DTL: variants seen among roughly 807,000 people sequenced by gnomAD.
The protein encoded by DTL is denticleless E3 ubiquitin protein ligase adapter.
DTL carries 46 observed loss-of-function variants against 87.0 expected under a neutral mutation model. The observed-to-expected ratio is 0.53, with a 90% CI of 0.42 to 0.68. DTL has a LOEUF of 0.68. DTL is among the 30% of genes least tolerant of loss of function. The pLI, the probability that DTL is intolerant of heterozygous loss-of-function variation, is 0.00. For missense variants in DTL, 737 were observed against 869.4 expected (o/e 0.85, Z 1.91); for synonymous variants, 308 against 311.2 (o/e 0.99, Z 0.11).
chr1:212,090,255 TTC>T (rs1008667857), intron 13 of DTL, among the ~76,000 whole-genome samples: 9 of 152,154 alleles, frequency 5.9e-5, no homozygotes, highest in African/African-American at 2.2e-4. Flanking sequence ...TTTGTAGAAT[TTC>T]TCTCTCTCAA....
rs1655685371 is a variant in DTL, at chr1:212,103,476, G to C, written c.*536G>C. ...TTTTTTTAAGTATGTGTAAAAATGTGATGCTCAGATAAGTACATTTATATC... is the reference window on the plus strand; with the variant it reads ...TTTTTTTAAGTATGTGTAAAAATGTCATGCTCAGATAAGTACATTTATATC... On this transcript the variant is annotated 3_prime_UTR_variant, in exon 15 of 15. Coordinates refer to ENST00000366991, the MANE Select transcript of DTL (RefSeq NM_016448.4). 1 of 152,196 alleles carries C rather than the reference G, an allele frequency of 6.6e-6. No individual in the cohort carries two copies. The highest frequency in any genetic ancestry group is 1.5e-5 in the Non-Finnish European group (1 of 68,062). The allele number at this position is 152,196 out of a possible 1,614,324, so 9.4% of individuals were successfully genotyped here. A position where few individuals can be genotyped will look rare whatever the true frequency, so the allele number is the denominator to read the frequency against.
intron 1 of DTL, among the ~76,000 whole-genome samples, chr1:212,041,453 C>G (rs1667639398): frequency 7.4e-6 from 1 of 135,062 alleles, no homozygotes; most frequent in South Asian, 2.3e-4. Flanking sequence ...TGTTTTTACA[C>G]ACTTATTCCG....
intron 11 of DTL, among the ~76,000 whole-genome samples, chr1:212,076,832 T>C (rs1371309249): frequency 1.3e-5 from 2 of 152,210 alleles, no homozygotes; most frequent in Non-Finnish European, 2.9e-5. Context: ...CTCTGTGCCA[T>C]TGTAGGAGTA....
intron 10 of DTL, 61 bp from the exon 11 acceptor site, chr1:212,072,040 A>G (rs1225831719): frequency 8.8e-7 from 1 of 1,141,082 alleles, no homozygotes; most frequent in South Asian, 1.2e-5. Context: ...TATGCTGTCT[A>G]TATCCATTTG....
chr1:212,066,949 A>C, intron 8 of DTL, 64 bp downstream of exon 8: 1 of 1,322,200 alleles, frequency 7.6e-7, no homozygotes, highest in East Asian at 2.3e-5. Context: ...TGAGGCAGTC[A>C]CATAGTCTCA....
intron 13 of DTL, among the ~76,000 whole-genome samples, chr1:212,081,794 T>A (rs1030022773): frequency 6.6e-6 from 1 of 152,196 alleles, no homozygotes; most frequent in African/African-American, 2.4e-5. Context: ...TGGAGTGTCA[T>A]TAACCTAGAT....
chr1:212,077,301 C>T (rs529411443), intron 11 of DTL, among the ~76,000 whole-genome samples: 42 of 152,236 alleles, frequency 2.8e-4, no homozygotes, highest in African/African-American at 9.4e-4. Context: ...AATGAGTCAG[C>T]TGTATGATGC....
intron 13 of DTL, among the ~76,000 whole-genome samples, chr1:212,090,336 A>G (rs1264821279): frequency 1.3e-5 from 2 of 152,252 alleles, no homozygotes; most frequent in Non-Finnish European, 2.9e-5. Flanking sequence ...GACTAAAGTG[A>G]GTACTTGCCA....
At chr1:212,056,542 C>T (rs1338094459) in intron 5 of DTL, among the ~76,000 whole-genome samples, 1 of 152,154 alleles carries the variant, frequency 6.6e-6, no homozygotes, top group Admixed American at 6.5e-5. Flanking sequence ...GCAACTGTTA[C>T]ACCAGGTGCA....
Position 212,103,957 on chromosome 1 carries a change from A to G in DTL, c.*1017A>G, listed in dbSNP as rs76662108. Reference sequence around the variant, plus strand: ...TTTCTTTTCATGTACATAAAAAGCAATAGCCTTTTAGTATAGATAGCCCTG... The same window carrying G: ...TTTCTTTTCATGTACATAAAAAGCAGTAGCCTTTTAGTATAGATAGCCCTG... On this transcript the variant is annotated 3_prime_UTR_variant, in exon 15 of 15. Coordinates refer to ENST00000366991, the MANE Select transcript of DTL (RefSeq NM_016448.4). 4.2e-3 allele frequency: 637 copies of G among 152,336 alleles called. 5 individuals carry two copies. The highest frequency in any genetic ancestry group is 0.015 in the African/African-American group (606 of 41,582). 9.4% of individuals were successfully genotyped at this position (152,336 alleles called of 1,614,324 possible).
At chr1:212,098,630 G>C (rs937950421) in intron 13 of DTL, among the ~76,000 whole-genome samples, 4 of 151,966 alleles carry the variant, frequency 2.6e-5, no homozygotes, top group Admixed American at 1.3e-4. Context: ...ATGGAGTTAC[G>C]TTCTAAGGGA....
Position 212,100,573 on chromosome 1 carries a change from GA to G in DTL, c.1587del (p.Ala530ProfsTer5). On this transcript the variant is annotated frameshift_variant, in exon 14 of 15. Coordinates refer to ENST00000366991, the MANE Select transcript of DTL (RefSeq NM_016448.4). LOFTEE classifies it high-confidence loss of function. ...TCGGAGACCAAGATCATGTCTCCGAGAAAAGCCCTTATTCCTGTGAGCCAGA... is the reference window on the plus strand; with the variant it reads ...TCGGAGACCAAGATCATGTCTCCGAGAAAGCCCTTATTCCTGTGAGCCAGA... The part of the protein sequence containing the change: ...PASETKIMSP[R>X]KALIPVSQKS... 5.0e-6 allele frequency: 8 copies of G among 1,614,036 alleles called. No individual in the cohort carries two copies. The highest frequency in any genetic ancestry group is 6.8e-6 in the Non-Finnish European group (8 of 1,180,020).
intron 1 of DTL, among the ~76,000 whole-genome samples, chr1:212,038,787 A>G (rs2102521958): frequency 6.6e-6 from 1 of 152,344 alleles, no homozygotes; most frequent in East Asian, 1.9e-4. Context: ...GATATCTAAA[A>G]GTTTTTATTA....
At chr1:212,065,837 C>T (rs1434947224) in intron 7 of DTL, among the ~76,000 whole-genome samples, 1 of 152,142 alleles carries the variant, frequency 6.6e-6, no homozygotes, top group Non-Finnish European at 1.5e-5. Context: ...TCCCAAGTAG[C>T]TGGGACTACA....
In DTL at chr1:212,101,164, T is replaced by TC. The variant is rs931249916; in HGVS notation, c.2094+80_2094+81insC. 3.9e-6 allele frequency: 4 copies of TC among 1,022,838 alleles called. No homozygotes were observed. The African/African-American group carries it at 4.9e-5, about 13-fold the overall frequency. 63.4% of individuals were successfully genotyped at this position (1,022,838 alleles called of 1,614,324 possible). A position where few individuals can be genotyped will look rare whatever the true frequency, so the allele number is the denominator to read the frequency against. On this transcript the variant is annotated intron_variant, in intron 14 of 14. Coordinates refer to ENST00000366991, the MANE Select transcript of DTL (RefSeq NM_016448.4). ...CCAGATGTCTCAAGTCAGGATGCTTTTTTTTTTTTTTAAAGAAAGAAATCT... is the reference window on the plus strand; with the variant it reads ...CCAGATGTCTCAAGTCAGGATGCTTTCTTTTTTTTTTTAAAGAAAGAAATCT...
chr1:212,065,586 T>C (rs1188708803), intron 7 of DTL, among the ~76,000 whole-genome samples: 1 of 151,810 alleles, frequency 6.6e-6, no homozygotes, highest in Admixed American at 6.6e-5. Flanking sequence ...ACCCCTATAG[T>C]ATAGTGGAAT....
In DTL at chr1:212,042,933, G is replaced by C. The variant is rs570229872; in HGVS notation, c.53-60G>C. 247 of 1,489,950 alleles carry C rather than the reference G, an allele frequency of 1.7e-4. 3 individuals are homozygous for C. The African/African-American group carries it at 3.1e-3, about 19-fold the overall frequency. 92.3% of individuals were successfully genotyped at this position (1,489,950 alleles called of 1,614,324 possible). A position where few individuals can be genotyped will look rare whatever the true frequency, so the allele number is the denominator to read the frequency against. ...AGGACAAATATTTACCTCTGAATTT[G>C]TTAAAAATGCTGAAATGTGATGCTG... On this transcript the variant is annotated intron_variant, in intron 1 of 14. Transcript: ENST00000366991.
chr1:212,064,815 C>A, intron 6 of DTL, 102 bp from the exon 7 acceptor site: 1 of 924,452 alleles, frequency 1.1e-6, no homozygotes, highest in South Asian at 1.5e-5. Context: ...TCTAATTTCA[C>A]CAACTTGGTC....
At chr1:212,069,375 C>T (rs1228191735) in intron 10 of DTL, among the ~76,000 whole-genome samples, 2 of 152,060 alleles carry the variant, frequency 1.3e-5, no homozygotes, top group Non-Finnish European at 2.9e-5. Context: ...TAAGCAACAT[C>T]TTAGTAGCCT....
Sources: gnomAD v4.1 joint callset for allele counts (sites outside exome capture counted in the v4.1 genomes callset) on GRCh38, gnomAD v4.1.1 for gene constraint, MANE v1.5 for transcripts, NCBI Gene and HGNC (gene_info 2026-07-23, HGNC 2026-07-21) for gene names.